Variants in DNM3 observed in about 807,000 individuals in gnomAD.
The protein encoded by DNM3 is dynamin-3.
A neutral mutation model predicts 101.6 loss-of-function variants in DNM3; 47 were observed. That is an observed-to-expected ratio of 0.46 (90% confidence interval 0.37 to 0.59). The LOEUF (loss-of-function observed/expected upper bound fraction) is 0.59. Among genes scored for constraint, DNM3 ranks in the 20% least tolerant of loss-of-function variants. The pLI is 0.00. For synonymous variants in DNM3, 385 were observed against 387.9 expected, an observed-to-expected ratio of 0.99 and a Z score of 0.09; for missense variants, 849 against 1,085.7, an observed-to-expected ratio of 0.78 and a Z score of 3.06.
intron 15 of DNM3, among the ~76,000 whole-genome samples, chr1:172,255,058 T>C (rs1431022198): frequency 1.3e-5 from 2 of 152,180 alleles, no homozygotes; most frequent in East Asian, 3.9e-4. Context: ...AGAAGACGTC[T>C]TCCTACATTC....
At chr1:171,973,811 G>T (rs189147322) in intron 2 of DNM3, among the ~76,000 whole-genome samples, 25,118 of 151,496 alleles carry the variant, frequency 0.17, 2,410 homozygotes, top group South Asian at 0.25. Context: ...CTACAGGCAT[G>T]TGCCATTATG....
intron 13 of DNM3, among the ~76,000 whole-genome samples, chr1:172,130,388 A>C (rs2056870937): frequency 6.6e-6 from 1 of 152,108 alleles, no homozygotes; most frequent in African/African-American, 2.4e-5. Flanking sequence ...GAGGGGAAAA[A>C]AACCTCACAT....
chr1:171,911,475 G>A (rs879581026), intron 1 of DNM3, among the ~76,000 whole-genome samples: 1 of 151,944 alleles, frequency 6.6e-6, no homozygotes, highest in Non-Finnish European at 1.5e-5. Flanking sequence ...TATAGACGGG[G>A]TTTCGCCATT....
Position 172,131,291 on chromosome 1 carries a change from A to G in DNM3, c.1659+3A>G. 1.2e-6 allele frequency: 2 copies of G among 1,611,606 alleles called. No homozygotes were observed. Among genetic ancestry groups the G allele is most frequent in the Non-Finnish European group, 1.7e-6 (2 of 1,178,112 alleles). On this transcript the variant is annotated splice_donor_region_variant and intron_variant, in intron 14 of 20. Transcript: ENST00000627582. ...TGTCCTGGTATAAAGATGATGAGGTAAGTCACAGAGAGTGATAAAGTTTTC... is the reference window on the plus strand; with the variant it reads ...TGTCCTGGTATAAAGATGATGAGGTGAGTCACAGAGAGTGATAAAGTTTTC...
At chr1:171,900,644 T>A (rs1240119010) in intron 1 of DNM3, among the ~76,000 whole-genome samples, 1 of 151,952 alleles carries the variant, frequency 6.6e-6, no homozygotes, top group African/African-American at 2.4e-5. Flanking sequence ...GATTTAAGAA[T>A]TTTCCTTTAA....
intron 4 of DNM3, among the ~76,000 whole-genome samples, chr1:171,991,442 G>A (rs1191058697): frequency 1.3e-5 from 2 of 152,114 alleles, no homozygotes; most frequent in Non-Finnish European, 2.9e-5. Context: ...CGGAGAAACA[G>A]TTCTTTGTTA....
At chr1:172,277,081 G>A (rs972155809) in intron 15 of DNM3, among the ~76,000 whole-genome samples, 3 of 152,070 alleles carry the variant, frequency 2.0e-5, no homozygotes, top group African/African-American at 7.2e-5. Context: ...TATGTATTAG[G>A]CTCTGAGGTA....
At chr1:172,022,417 C>T (rs1235960517) in intron 4 of DNM3, among the ~76,000 whole-genome samples, 1 of 151,988 alleles carries the variant, frequency 6.6e-6, no homozygotes, top group Non-Finnish European at 1.5e-5. Flanking sequence ...TTTAAGCTGC[C>T]TATTTGTGTA....
chr1:172,396,781 A>G (rs1188237814), intron 20 of DNM3, among the ~76,000 whole-genome samples: 1 of 152,200 alleles, frequency 6.6e-6, no homozygotes, highest in East Asian at 1.9e-4. Context: ...GTATATTTAA[A>G]TATATAACAT....
At chr1:171,991,923 T>A (rs2045658984) in intron 4 of DNM3, among the ~76,000 whole-genome samples, 1 of 152,194 alleles carries the variant, frequency 6.6e-6, no homozygotes, top group Non-Finnish European at 1.5e-5. Flanking sequence ...TACCATTCAG[T>A]CCCTGATTTC....
At chr1:172,114,047 A>G (rs1037924176) in intron 13 of DNM3, among the ~76,000 whole-genome samples, 2 of 152,210 alleles carry the variant, frequency 1.3e-5, no homozygotes, top group Non-Finnish European at 2.9e-5. Flanking sequence ...TTAGTGGTGG[A>G]AAAGATAGAA....
At chr1:172,009,031 A>G (rs1349920881) in intron 4 of DNM3, among the ~76,000 whole-genome samples, 2 of 138,684 alleles carry the variant, frequency 1.4e-5, no homozygotes, top group Non-Finnish European at 3.1e-5. Flanking sequence ...ATTTATATAT[A>G]CAATATATAT....
intron 14 of DNM3, among the ~76,000 whole-genome samples, chr1:172,158,220 G>T (rs1047617885): frequency 1.1e-4 from 17 of 151,852 alleles, no homozygotes; most frequent in African/African-American, 4.1e-4. Context: ...GAGTGTGCCT[G>T]GAGGCCAGAG....
chr1:172,139,624 A>G (rs2057456925), intron 14 of DNM3: 1 of 152,286 alleles, frequency 6.6e-6, no homozygotes, highest in Admixed American at 6.5e-5. Flanking sequence ...TTAATTAACT[A>G]TAGGGCCATG....
chr1:172,280,744 A>G (rs978574970), intron 15 of DNM3, among the ~76,000 whole-genome samples: 1 of 152,212 alleles, frequency 6.6e-6, no homozygotes, highest in African/African-American at 2.4e-5. Flanking sequence ...ATTTATGAAA[A>G]TCTTATAAGG....
At chr1:171,915,396 A>G (rs1397453674) in intron 1 of DNM3, among the ~76,000 whole-genome samples, 1 of 152,164 alleles carries the variant, frequency 6.6e-6, no homozygotes, top group Non-Finnish European at 1.5e-5. Flanking sequence ...AGCAGTTTAT[A>G]TGATAGTTGG....
intron 13 of DNM3, among the ~76,000 whole-genome samples, chr1:172,115,712 C>T (rs907295280): frequency 5.9e-5 from 9 of 152,198 alleles, no homozygotes; most frequent in Non-Finnish European, 1.2e-4. Flanking sequence ...CCAACACAAT[C>T]CACATGCTCT....
intron 2 of DNM3, among the ~76,000 whole-genome samples, chr1:171,942,520 T>TTTCA (rs1446856899): frequency 1.3e-5 from 2 of 152,092 alleles, no homozygotes; most frequent in Admixed American, 6.5e-5. Context: ...TAATTGAAAA[T>TTTCA]TTCATTCATT....
Position 172,038,384 on chromosome 1 carries a change from C to T in DNM3, c.915C>T (p.Leu305=), listed in dbSNP as rs769034475. The T allele has an allele frequency of 2.5e-6, 4 of 1,613,484 alleles. No homozygotes were observed. The highest frequency in any genetic ancestry group is 3.3e-4 in the Middle Eastern group (2 of 6,054). The change falls in exon 7 of 21, where the codon CTC becomes CTT. Residue 305 remains leucine (L), a synonymous_variant. Coordinates refer to ENST00000627582, the MANE Select transcript of DNM3 (RefSeq NM_015569.5). ...NFRNKLQGQL[L]SIEHEVEAYK... ...GGAACAAACTACAGGGACAGTTGCT[C>T]TCCATAGAACATGAAGTAGAAGCCT... is the stretch of plus-strand genomic sequence containing the variant.
Sources: gnomAD v4.1 joint callset for allele counts (sites outside exome capture counted in the v4.1 genomes callset) on GRCh38, gnomAD v4.1.1 for gene constraint, MANE v1.5 for transcripts, NCBI Gene and HGNC (gene_info 2026-07-23, HGNC 2026-07-21) for gene names.